The following DDAH1 variants were observed in gnomAD, a reference collection of about 807,000 sequenced individuals.
DDAH1 encodes the protein N(G),N(G)-dimethylarginine dimethylaminohydrolase 1.
In DDAH1, 19 loss-of-function variants were observed where a neutral mutation model predicts 28.8. That is an observed-to-expected ratio of 0.66 (90% CI 0.46 to 0.97). The LOEUF (loss-of-function observed/expected upper bound fraction) is 0.97. Ranked by LOEUF, DDAH1 falls within the 50% of genes least tolerant of loss-of-function variation. DDAH1 has a pLI of 0.00. For synonymous variants in DDAH1, 153 were observed against 154.4 expected (o/e 0.99, Z 0.07); for missense variants, 326 against 375.9 (o/e 0.87, Z 1.10).
chr1:85,504,556 T>A (rs1389653984), intron 1 of DDAH1, among the ~76,000 whole-genome samples: 1 of 152,196 alleles, frequency 6.6e-6, no homozygotes, highest in Non-Finnish European at 1.5e-5. Flanking sequence ...AATATGAATA[T>A]GATTGTCACA....
chr1:85,354,747 TAAC>T (rs1214582305), intron 2 of DDAH1, among the ~76,000 whole-genome samples: 3 of 151,762 alleles, frequency 2.0e-5, no homozygotes, highest in African/African-American at 7.3e-5. Context: ...AACTAAATGA[TAAC>T]AAAAATATCC....
At chr1:85,536,964 TATATATATATATATATATATAC>T (rs1380725156) in intron 1 of DDAH1, among the ~76,000 whole-genome samples, 2 of 73,104 alleles carry the variant, frequency 2.7e-5, no homozygotes, top group Non-Finnish European at 2.8e-5. Context: ...TATATATATA[TATATATATATATATATATATAC>T]GTATATACAT....
chr1:85,457,964 C>T (rs1654968395), intron 1 of DDAH1, among the ~76,000 whole-genome samples: 1 of 152,120 alleles, frequency 6.6e-6, no homozygotes, highest in East Asian at 1.9e-4. Context: ...GCTGGGATTA[C>T]AGGCGTGAGC....
intron 1 of DDAH1, among the ~76,000 whole-genome samples, chr1:85,375,540 C>A (rs904118823): frequency 1.3e-5 from 2 of 152,112 alleles, no homozygotes; most frequent in Non-Finnish European, 2.9e-5. Flanking sequence ...TCAACTGAAG[C>A]CATTATTGTG....
rs369993369 is a variant in DDAH1, at chr1:85,417,415, T to C, written c.303+47328A>G. ...GTTCTAGGCCTCATCCCTTCCATCA[T>C]GCCAGTCTCCATCCCCAATATCACC... On this transcript the variant is annotated intron_variant, in intron 1 of 5. Transcript: ENST00000284031. Among the ~76,000 whole-genome samples the C allele has an allele frequency of 1.1e-4, 16 of 152,268 alleles. No homozygotes were observed. The East Asian group carries it at 1.9e-3, about 18-fold the overall frequency.
At chr1:85,476,151 C>CA (rs1322450655) in intron 2 of DDAH1, among the ~76,000 whole-genome samples, 1 of 152,206 alleles carries the variant, frequency 6.6e-6, no homozygotes, top group East Asian at 1.9e-4. Context: ...CGTGAGCCAC[C>CA]ATGTCCAGCC....
intron 2 of DDAH1, chr1:85,495,058 G>A (rs1462404761): frequency 2.0e-5 from 3 of 152,128 alleles, no homozygotes; most frequent in African/African-American, 7.2e-5. Context: ...GAGGGCAGGC[G>A]GGGGAAAGGA....
chr1:85,424,309 T>C (rs1007331882), intron 1 of DDAH1, among the ~76,000 whole-genome samples: 4 of 152,140 alleles, frequency 2.6e-5, no homozygotes, highest in African/African-American at 9.6e-5. Flanking sequence ...GTCTTTGGTA[T>C]AATTTAGCAA....
chr1:85,475,633 G>T (rs921905615), intron 2 of DDAH1, among the ~76,000 whole-genome samples: 5 of 152,134 alleles, frequency 3.3e-5, no homozygotes, highest in African/African-American at 1.2e-4. Flanking sequence ...TGTAAACACT[G>T]TCAGATTATT....
intron 1 of DDAH1, among the ~76,000 whole-genome samples, chr1:85,426,858 G>C (rs956009564): frequency 9.5e-5 from 13 of 136,312 alleles, no homozygotes; most frequent in Admixed American, 4.2e-4. Context: ...GCTGCAGTGA[G>C]CCATAATGTG....
intron 1 of DDAH1, among the ~76,000 whole-genome samples, chr1:85,526,533 T>A (rs1215594143): frequency 6.6e-6 from 1 of 152,110 alleles, no homozygotes; most frequent in Non-Finnish European, 1.5e-5. Flanking sequence ...GAACTCATAT[T>A]TCATGGAGTG....
intron 1 of DDAH1, among the ~76,000 whole-genome samples, chr1:85,370,031 C>A (rs562745982): frequency 6.6e-6 from 1 of 152,280 alleles, no homozygotes; most frequent in South Asian, 2.1e-4. Flanking sequence ...GTGTTATGGG[C>A]TATGTGTCTC....
intron 2 of DDAH1, among the ~76,000 whole-genome samples, chr1:85,352,337 C>T (rs1008317044): frequency 3.3e-5 from 5 of 152,160 alleles, no homozygotes; most frequent in South Asian, 2.1e-4. Context: ...CCTTGCACCC[C>T]GAGCTTCCAG....
At chr1:85,472,961 A>C (rs1047261799) in intron 2 of DDAH1, among the ~76,000 whole-genome samples, 1 of 152,194 alleles carries the variant, frequency 6.6e-6, no homozygotes, top group African/African-American at 2.4e-5. Context: ...TTTAAGTGAG[A>C]ACAGTATTGC....
chr1:85,464,379 A>AGCGGCACCCCTC lies in DDAH1; in HGVS notation c.303+352_303+363dup. The AGCGGCACCCCTC allele has an allele frequency of 1.1e-6, 1 of 915,188 alleles. No individual in the cohort carries two copies. The highest frequency in any genetic ancestry group is 1.7e-5 in the African/African-American group (1 of 59,902). 56.7% of individuals were successfully genotyped at this position (915,188 alleles called of 1,614,324 possible). A position where few individuals can be genotyped will look rare whatever the true frequency, so the allele number is the denominator to read the frequency against. On this transcript the variant is annotated intron_variant, in intron 1 of 5. Transcript: ENST00000284031. The surrounding 1 kb of genome is among the most constrained non-coding windows in gnomAD (Gnocchi z 4.4). ...GCCCAGCCTCCACCCGCCCTACCGGAGCGGCACCCCTCGCGGCCCTCGCTC... is the reference window on the plus strand; with the variant it reads ...GCCCAGCCTCCACCCGCCCTACCGGAGCGGCACCCCTCGCGGCACCCCTCGCGGCCCTCGCTC...
At chr1:85,426,961 A>G (rs1653432004) in intron 1 of DDAH1, among the ~76,000 whole-genome samples, 1 of 151,278 alleles carries the variant, frequency 6.6e-6, no homozygotes, top group Non-Finnish European at 1.5e-5. Context: ...AATAAATTAC[A>G]TTTTCCTTGA....
At chr1:85,512,507 A>C (rs1657282168) in intron 1 of DDAH1, among the ~76,000 whole-genome samples, 1 of 152,220 alleles carries the variant, frequency 6.6e-6, no homozygotes, top group South Asian at 2.1e-4. Flanking sequence ...CAGGGCAATC[A>C]GTCAAGAGAA....
At chr1:85,427,729 G>A (rs546546936) in intron 1 of DDAH1, among the ~76,000 whole-genome samples, 1 of 152,298 alleles carries the variant, frequency 6.6e-6, no homozygotes, top group East Asian at 1.9e-4. Context: ...AAGAAAGAGA[G>A]AAAGAAAGAG....
chr1:85,373,635 T>G (rs1457760906), intron 1 of DDAH1, among the ~76,000 whole-genome samples: 1 of 152,118 alleles, frequency 6.6e-6, no homozygotes, highest in Non-Finnish European at 1.5e-5. Context: ...ACCTCCCCAG[T>G]CATGCGGAAC....
Sources: gnomAD v4.1 joint callset for allele counts (sites outside exome capture counted in the v4.1 genomes callset) on GRCh38, gnomAD v4.1.1 for gene constraint, Gnocchi (gnomAD v3.1) non-coding constraint, MANE v1.5 for transcripts, NCBI Gene and HGNC (gene_info 2026-07-23, HGNC 2026-07-21) for gene names.